The following SERINC1 variants were observed in gnomAD, a reference collection of about 807,000 sequenced individuals.
The protein encoded by SERINC1 is tumor differentially expressed protein 2.
A neutral mutation model predicts 52.9 loss-of-function variants in SERINC1; 38 were observed. The observed-to-expected ratio is 0.72, with a 90% CI of 0.55 to 0.94. The LOEUF (loss-of-function observed/expected upper bound fraction) is 0.94, where lower values mean the gene tolerates loss of function less well. SERINC1 is among the 40% of genes least tolerant of loss of function. SERINC1 has a pLI of 0.00. For synonymous variants in SERINC1, 198 were observed against 183.1 expected, an observed-to-expected ratio of 1.08 and a Z score of -0.66; for missense variants, 471 against 533.9, an observed-to-expected ratio of 0.88 and a Z score of 1.16.
At chr6:122,457,921 T>C (rs1775029339) in intron 2 of SERINC1, among the ~76,000 whole-genome samples, 1 of 152,024 alleles carries the variant, frequency 6.6e-6, no homozygotes. Context: ...TCTAAAAATT[T>C]TCCTTTCTAG....
chr6:122,471,681 C>A lies in SERINC1; in HGVS notation c.39+18G>T. The A allele has an allele frequency of 6.2e-7, 1 of 1,614,100 alleles. No individual in the cohort carries two copies. Among genetic ancestry groups the A allele is most frequent in the East Asian group, 2.2e-5 (1 of 44,864 alleles). On this transcript the variant is annotated intron_variant, in intron 1 of 9. Transcript: ENST00000339697. ...GTCTCTCACACTAGCACCCCAGAGG[C>A]CGCAAAAAGCACCTTACCCAGCTCG...
chr6:122,449,833 A>C (rs568380858), intron 7 of SERINC1, among the ~76,000 whole-genome samples: 1 of 152,266 alleles, frequency 6.6e-6, no homozygotes, highest in Non-Finnish European at 1.5e-5. Context: ...CCTGGCTAAC[A>C]TGGTGAAACC....
intron 1 of SERINC1, among the ~76,000 whole-genome samples, chr6:122,468,960 T>C (rs914014716): frequency 7.9e-5 from 12 of 152,168 alleles, no homozygotes; most frequent in African/African-American, 2.9e-4. Context: ...GGGAAAAGCA[T>C]GTAAGTAGGT....
Position 122,445,098 on chromosome 6 carries a change from C to A in SERINC1, c.1308G>T (p.Leu436=). 2 of 1,614,064 alleles carry A rather than the reference C, an allele frequency of 1.2e-6. No individual in the cohort carries two copies. The highest frequency in any genetic ancestry group is 1.7e-6 in the Non-Finnish European group (2 of 1,179,966). Residue 436 remains leucine (L), a synonymous_variant, in exon 10 of 10, where the codon CTG becomes CTT. Transcript: ENST00000339697. The part of the protein sequence containing the change: ...KISSSWIGIV[L]YVWTLVAPLV... ...GTGGTGCCACGAGTGTCCAAACATA[C>A]AGCACGATGCCAATCCAACTGGAAG...
Position 122,447,166 on chromosome 6 carries a change from C to T in SERINC1, c.950G>A (p.Gly317Glu). Residue 317 changes from glycine (G) to glutamate (E), a missense_variant, in exon 8 of 10, where the codon GGA becomes GAA. Gly to Glu is a moderately conservative substitution (Grantham distance 98). Coordinates refer to ENST00000339697, the MANE Select transcript of SERINC1 (RefSeq NM_020755.4). Reference sequence around the variant, plus strand: ...CAAAAAGAGAATTAGTCCTATAATTCCTTGAGCATGCCACCACTGGACTGA... The same window carrying T: ...CAAAAAGAGAATTAGTCCTATAATTTCTTGAGCATGCCACCACTGGACTGA... ...GQSVQWWHAQGIIGLILFLLC... is the reference protein window; with the variant it reads ...GQSVQWWHAQEIIGLILFLLC... The T allele has an allele frequency of 6.2e-7, 1 of 1,613,476 alleles. No individual in the cohort carries two copies. The highest frequency in any genetic ancestry group is 1.3e-5 in the African/African-American group (1 of 75,024).
intron 8 of SERINC1, 53 bp downstream of exon 8, chr6:122,447,064 CATAA>C: frequency 7.6e-6 from 12 of 1,578,308 alleles, no homozygotes; most frequent in South Asian, 1.1e-5. Flanking sequence ...AGAAATGATT[CATAA>C]ATAAACAGCT....
chr6:122,460,801 G>A (rs925376084), intron 1 of SERINC1, among the ~76,000 whole-genome samples: 5 of 151,816 alleles, frequency 3.3e-5, no homozygotes, highest in South Asian at 4.2e-4. Flanking sequence ...TTATAAATAG[G>A]GCATTGTAGT....
intron 2 of SERINC1, 126 bp downstream of exon 2, chr6:122,458,394 T>C: frequency 1.8e-6 from 1 of 571,282 alleles, no homozygotes; most frequent in Non-Finnish European, 2.9e-6. Flanking sequence ...GATTATGAAC[T>C]ACAACTAGGA....
chr6:122,458,495 T>A, intron 2 of SERINC1, 25 bp downstream of exon 2: 1 of 1,571,394 alleles, frequency 6.4e-7, no homozygotes, highest in Non-Finnish European at 8.7e-7. Context: ...CCTCAGTTAA[T>A]CAATAAATAA....
intron 1 of SERINC1, among the ~76,000 whole-genome samples, chr6:122,463,093 T>C (rs1358285951): frequency 1.3e-5 from 2 of 152,146 alleles, no homozygotes; most frequent in African/African-American, 2.4e-5. Flanking sequence ...CAGAGTGATA[T>C]AGGGAAAAGG....
chr6:122,451,631 C>T (rs1774904875), intron 7 of SERINC1, 33 bp downstream of exon 7: 1 of 794,196 alleles, frequency 1.3e-6, no homozygotes, highest in East Asian at 3.0e-5. Flanking sequence ...AACTGCAGAA[C>T]CTTTAGGAAC....
In SERINC1 at chr6:122,451,758, C is replaced by CAAAAA. The variant is rs750920534; in HGVS notation, c.760-9_760-5dup. 4.4e-4 allele frequency: 39 copies of CAAAAA among 88,332 alleles called. No homozygotes were observed. The highest frequency in any genetic ancestry group is 8.1e-4 in the East Asian group (3 of 3,688). The allele number at this position is 88,332 out of a possible 1,614,324, so 5.5% of individuals were successfully genotyped here. On this transcript the variant is annotated splice_region_variant and splice_polypyrimidine_tract_variant and intron_variant, in intron 6 of 9. Transcript: ENST00000339697. ...AACCAGATCTTGGTTGTGATTCCTACAAAAAAAAAAAAAAAAAAATATATA... is the reference window on the plus strand; with the variant it reads ...AACCAGATCTTGGTTGTGATTCCTACAAAAAAAAAAAAAAAAAAAAAAAATATATA...
rs1774758765 is a variant in SERINC1, at chr6:122,444,979, A to G, written c.*65T>C. 14 of 1,515,460 alleles carry G rather than the reference A, an allele frequency of 9.2e-6. No individual in the cohort carries two copies. Among genetic ancestry groups the G allele is most frequent in the Non-Finnish European group, 9.9e-6 (11 of 1,111,428 alleles). The allele number at this position is 1,515,460 out of a possible 1,614,324, so 93.9% of individuals were successfully genotyped here. On this transcript the variant is annotated 3_prime_UTR_variant, in exon 10 of 10. Coordinates refer to ENST00000339697, the MANE Select transcript of SERINC1 (RefSeq NM_020755.4). ...AGCAAAAACATACACAACTTTACAA[A>G]AGTTGGGAATACTGTTTTCAAATAA... is the stretch of plus-strand genomic sequence containing the variant.
intron 6 of SERINC1, 40 bp from the exon 7 acceptor site, chr6:122,451,794 T>TATATATAC (rs1486426657): frequency 1.5e-5 from 7 of 459,466 alleles, no homozygotes; most frequent in Admixed American, 5.4e-5. Flanking sequence ...TATATATATA[T>TATATATAC]AGCAACACAG....
intron 1 of SERINC1, among the ~76,000 whole-genome samples, chr6:122,471,200 A>C (rs1360063458): frequency 1.3e-5 from 2 of 152,024 alleles, no homozygotes; most frequent in Non-Finnish European, 2.9e-5. Flanking sequence ...CCAAATGACG[A>C]CAGGCACTTT....
chr6:122,455,817 G>A (rs1277611131), intron 3 of SERINC1, among the ~76,000 whole-genome samples: 1 of 152,074 alleles, frequency 6.6e-6, no homozygotes, highest in African/African-American at 2.4e-5. Context: ...AAGGTGAACT[G>A]TATAAATGAA....
At position 122,453,814 on chromosome 6, in the gene SERINC1, C is replaced by G; in HGVS notation, c.545G>C (p.Trp182Ser). 6.2e-7 allele frequency: 1 copy of G among 1,608,578 alleles called. No homozygotes were observed. The highest frequency in any genetic ancestry group is 8.5e-7 in the Non-Finnish European group (1 of 1,176,308). The change falls in exon 5 of 10, where the codon TGG becomes TCG. Residue 182 changes from tryptophan (W) to serine (S), a missense_variant. Coordinates refer to ENST00000339697, the MANE Select transcript of SERINC1 (RefSeq NM_020755.4). The stretch of plus-strand genomic sequence containing the variant: ...GTTCCCTTCTTCCATTTTTTCAACC[C>G]ACGATTCATTCCATGAATGTGCAAA... ...IDFAHSWNES[W>S]VEKMEEGNSR...
intron 1 of SERINC1, among the ~76,000 whole-genome samples, chr6:122,459,221 T>C (rs373404809): frequency 5.7e-4 from 87 of 152,304 alleles, no homozygotes; most frequent in Middle Eastern, 3.4e-3. Context: ...GGCTAGCTTT[T>C]CTCCAGTAAC....
At chr6:122,452,424 C>T (rs1162403214) in intron 5 of SERINC1, among the ~76,000 whole-genome samples, 3 of 152,008 alleles carry the variant, frequency 2.0e-5, no homozygotes, top group Non-Finnish European at 4.4e-5. Flanking sequence ...TTTTAAAGAA[C>T]CATTATCACT....
Sources: allele counts gnomAD v4.1 joint callset (sites outside exome capture counted in the v4.1 genomes callset), GRCh38; gene constraint gnomAD v4.1.1; transcripts MANE v1.5; gene names NCBI Gene and HGNC (gene_info 2026-07-23, HGNC 2026-07-21).